SPTBN5: variants seen among roughly 807,000 people sequenced by gnomAD.
SPTBN5 encodes spectrin beta chain, non-erythrocytic 5.
SPTBN5 carries 513 observed loss-of-function variants against 477.6 expected under a neutral mutation model. The observed-to-expected ratio is 1.07, with a 90% CI of 1.00 to 1.16. The LOEUF (loss-of-function observed/expected upper bound fraction) is 1.16. Among genes scored for constraint, SPTBN5 ranks in the 50% most tolerant of loss-of-function variants. The pLI, the probability that SPTBN5 is intolerant of heterozygous loss-of-function variation, is 0.00. For synonymous variants in SPTBN5, 2,169 were observed against 2,011.7 expected (o/e 1.08, Z -2.09); for missense variants, 5,062 against 4,731.8 (o/e 1.07, Z -2.05).
Position 41,850,863 on chromosome 15 carries a change from T to G in SPTBN5, c.10912A>C (p.Ser3638Arg). The G allele has an allele frequency of 6.3e-7, 1 of 1,597,748 alleles. No homozygotes were observed. Among genetic ancestry groups the G allele is most frequent in the East Asian group, 2.3e-5 (1 of 43,978 alleles). ...QAESWWRALG[S>R]TAAQSLSPKL... The stretch of plus-strand genomic sequence containing the variant: ...TTCCCCTGAAGCCCACCTGCAGTGC[T>G]GCCCAGGGCTCGCCACCAGCTCTCA... Residue 3638 changes from serine (S) to arginine (R), a missense_variant, in exon 66 of 68, where the codon AGC (serine) becomes CGC (arginine). Coordinates refer to ENST00000320955, the MANE Select transcript of SPTBN5 (RefSeq NM_016642.4).
intron 47 of SPTBN5, 99 bp from the exon 48 acceptor site, chr15:41,859,079 C>G: frequency 1.1e-6 from 1 of 906,328 alleles, no homozygotes; most frequent in Non-Finnish European, 1.6e-6. Context: ...TACTCTGAGT[C>G]TGGAGTTTCC....
Position 41,879,482 on chromosome 15 carries a change from G to A in SPTBN5, c.2960C>T (p.Ala987Val). Residue 987 changes from alanine (A) to valine (V), a missense_variant, in exon 16 of 68, where the codon GCC becomes GTC. Ala to Val is a moderately conservative substitution (Grantham distance 64, BLOSUM62 0). Coordinates refer to ENST00000320955, the MANE Select transcript of SPTBN5 (RefSeq NM_016642.4). Reference protein sequence around the residue: ...ELSQRWGQLEALKREKAVQLA... With the variant: ...ELSQRWGQLEVLKREKAVQLA... ...CTGCACGGCCTTCTCCCTCTTCAGG[G>A]CCTCCAGCTGCCCCCACCTGGGCAG... 6.4e-7 allele frequency: 1 copy of A among 1,571,982 alleles called. No homozygotes were observed. Among genetic ancestry groups the A allele is most frequent in the Non-Finnish European group, 8.6e-7 (1 of 1,161,460 alleles).
At chr15:41,853,558 C>A (rs779347902) in intron 58 of SPTBN5, 24 bp downstream of exon 58, 1 of 1,554,856 alleles carries the variant, frequency 6.4e-7, no homozygotes, top group Non-Finnish European at 8.7e-7. Flanking sequence ...AGAGCTGAGC[C>A]GGCAGCTGAG....
In SPTBN5 at chr15:41,866,019, CA is replaced by C; in HGVS notation, c.6822+18del. The C allele has an allele frequency of 6.5e-7, 1 of 1,550,250 alleles. No individual in the cohort carries two copies. The highest frequency in any genetic ancestry group is 8.7e-7 in the Non-Finnish European group (1 of 1,147,178). On this transcript the variant is annotated intron_variant, in intron 38 of 67. Coordinates refer to ENST00000320955, the MANE Select transcript of SPTBN5 (RefSeq NM_016642.4). Reference sequence around the variant, plus strand: ...GCTCCTCCCCCCATCTCTCAGCCCCCACCCAGCTGGGGCTACACCTTCTCCT... The same window carrying C: ...GCTCCTCCCCCCATCTCTCAGCCCCCCCCAGCTGGGGCTACACCTTCTCCT...
chr15:41,850,301 G>A lies in SPTBN5; in HGVS notation c.10922-342C>T, dbSNP rs2065709799. 3 of 331,674 alleles carry A rather than the reference G, an allele frequency of 9.0e-6. No homozygotes were observed. The South Asian group carries it at 1.1e-4, about 12-fold the overall frequency. 20.5% of individuals were successfully genotyped at this position (331,674 alleles called of 1,614,324 possible). On this transcript the variant is annotated intron_variant, in intron 66 of 67. Transcript: ENST00000320955. Reference sequence around the variant, plus strand: ...AGAGTCCAGGGGAACCAGCGACAGAGCTAGGATCCCAGACACATTCCCTGA... The same window carrying A: ...AGAGTCCAGGGGAACCAGCGACAGAACTAGGATCCCAGACACATTCCCTGA...
chr15:41,853,078 T>A, intron 59 of SPTBN5, 78 bp from the exon 60 acceptor site: 1 of 1,446,728 alleles, frequency 6.9e-7, no homozygotes, highest in Non-Finnish European at 9.2e-7. Flanking sequence ...GAGAGCCAAG[T>A]GTTAATGGAA....
At position 41,874,878 on chromosome 15, in the gene SPTBN5, G is replaced by C. The variant is rs763127348; in HGVS notation, c.4466C>G (p.Pro1489Arg). 4 of 1,611,632 alleles carry C rather than the reference G, an allele frequency of 2.5e-6. No individual in the cohort carries two copies. The highest frequency in any genetic ancestry group is 3.4e-6 in the Non-Finnish European group (4 of 1,178,804). ...ASMAHGMAAS[P>R]AILEETQKHL... ...CTTCTGGGTCTCTTCCAGGATGGCC[G>C]GGGAGGCGGCCATGCCATGGGCCAT... Residue 1489 changes from proline to arginine, a missense_variant, in exon 23 of 68, where the codon CCG (proline) becomes CGG (arginine). Transcript: ENST00000320955.
chr15:41,873,418 G>A (rs2066610173), intron 26 of SPTBN5, 74 bp downstream of exon 26: 1 of 1,131,852 alleles, frequency 8.8e-7, no homozygotes, highest in South Asian at 1.4e-5. Context: ...TCTGAGAGAG[G>A]GAGGGTGACA....
Position 41,850,845 on chromosome 15 carries a change from G to GA in SPTBN5, c.10921+8dup, listed in dbSNP as rs771730850. On this transcript the variant is annotated intron_variant, in intron 66 of 67. Transcript: ENST00000320955. ...GCCGCCCTCCCCGCATCCTTCCCCT[G>GA]AAGCCCACCTGCAGTGCTGCCCAGG... The GA allele has an allele frequency of 1.8e-5, 29 of 1,587,856 alleles. No homozygotes were observed. Among genetic ancestry groups the GA allele is most frequent in the Non-Finnish European group, 2.4e-5 (28 of 1,168,098 alleles).
At chr15:41,881,274 C>T (rs1444799617) in intron 12 of SPTBN5, 40 bp from the exon 13 acceptor site, 1 of 1,542,204 alleles carries the variant, frequency 6.5e-7, no homozygotes, top group South Asian at 1.2e-5. Flanking sequence ...GCGACCCCAT[C>T]AAGCAGCAGG....
rs953715446 is a variant in SPTBN5, at chr15:41,863,904, C to T, written c.7034+5G>A. Reference sequence around the variant, plus strand: ...CCCTTTGGTTCTCCCCAGCCTGGGACTGGCCTGTTGTTGAGCTGGCTTCGC... The same window carrying T: ...CCCTTTGGTTCTCCCCAGCCTGGGATTGGCCTGTTGTTGAGCTGGCTTCGC... On this transcript the variant is annotated splice_donor_5th_base_variant and intron_variant, in intron 40 of 67. Transcript: ENST00000320955. 1.2e-6 allele frequency: 2 copies of T among 1,613,744 alleles called. No homozygotes were observed. The highest frequency in any genetic ancestry group is 2.7e-5 in the African/African-American group (2 of 75,062).
At position 41,862,807 on chromosome 15, in the gene SPTBN5, TG is replaced by T. The variant is rs2066161533; in HGVS notation, c.7245del (p.Ile2416SerfsTer8). The T allele has an allele frequency of 6.3e-7, 1 of 1,577,446 alleles. No homozygotes were observed. Among genetic ancestry groups the T allele is most frequent in the Non-Finnish European group, 8.6e-7 (1 of 1,162,838 alleles). ...CTACGCACCTCCACCTGGGCCTGGA[TG>T]GGGTGCACTTCCCGCTCCAGCTCCT... ...KHEELEREVH[P>X]IQAQVESLER... On this transcript the variant is annotated frameshift_variant, in exon 42 of 68. Transcript: ENST00000320955. LOFTEE classifies it high-confidence loss of function.
chr15:41,882,519 G>T (rs1339308172), intron 10 of SPTBN5, 50 bp from the exon 11 acceptor site: 2 of 1,575,156 alleles, frequency 1.3e-6, no homozygotes. Context: ...CAGGGGAGGG[G>T]GCCGGGGGCC....
In SPTBN5 at chr15:41,885,799, G is replaced by C. The variant is rs1278498802; in HGVS notation, c.1456C>G (p.Leu486Val). 1 of 1,558,394 alleles carries C rather than the reference G, an allele frequency of 6.4e-7. No individual in the cohort carries two copies. The highest frequency in any genetic ancestry group is 1.4e-5 in the African/African-American group (1 of 73,594). The change falls in exon 7 of 68, where the codon CTG becomes GTG. Residue 486 changes from leucine to valine, a missense_variant. Coordinates refer to ENST00000320955, the MANE Select transcript of SPTBN5 (RefSeq NM_016642.4). ...ILPQEGRFQA[L>V]AEIADILRQE... Reference sequence around the variant, plus strand: ...CGGAGGATGTCTGCGATCTCAGCCAGGGCCTGGAAGCGCCCCTCCTGGGGC... The same window carrying C: ...CGGAGGATGTCTGCGATCTCAGCCACGGCCTGGAAGCGCCCCTCCTGGGGC...
intron 47 of SPTBN5, 22 bp from the exon 48 acceptor site, chr15:41,859,002 G>A (rs2066011775): frequency 2.0e-6 from 3 of 1,500,400 alleles, no homozygotes; most frequent in East Asian, 4.8e-5. Flanking sequence ...AGAGGCTCAT[G>A]GGCCTGGAGC....
At chr15:41,893,661 C>A in intron 1 of SPTBN5, 115 bp from the exon 2 acceptor site, 2 of 1,317,136 alleles carry the variant, frequency 1.5e-6, no homozygotes. Flanking sequence ...CAGCTTGGAG[C>A]CCAGCCAGGT....
chr15:41,880,110 G>T, intron 14 of SPTBN5, 50 bp downstream of exon 14: 1 of 1,534,538 alleles, frequency 6.5e-7, no homozygotes, highest in East Asian at 2.3e-5. Flanking sequence ...GCAGACCACA[G>T]GGAGGCAGGG....
chr15:41,876,522 C>T, intron 20 of SPTBN5, 26 bp downstream of exon 20: 4 of 1,562,174 alleles, frequency 2.6e-6, no homozygotes, highest in Non-Finnish European at 3.5e-6. Context: ...AGGGAGGCGT[C>T]ATGCGACCTG....
intron 41 of SPTBN5, 22 bp from the exon 42 acceptor site, chr15:41,862,925 T>A: frequency 6.4e-7 from 1 of 1,554,016 alleles, no homozygotes; most frequent in African/African-American, 1.4e-5. Flanking sequence ...GCACGGCCAG[T>A]TACCTGCTGG....
Sources: allele counts gnomAD v4.1 joint callset, GRCh38; gene constraint gnomAD v4.1.1; transcripts MANE v1.5; gene names NCBI Gene and HGNC (gene_info 2026-07-23, HGNC 2026-07-21).